AGPAT3: variants seen among roughly 807,000 people sequenced by gnomAD.
AGPAT3 encodes the protein 1-acylglycerol-3-phosphate O-acyltransferase 3.
AGPAT3 carries 5 observed loss-of-function variants against 47.3 expected under a neutral mutation model. The observed-to-expected ratio is 0.11, with a 90% CI of 0.06 to 0.22. The LOEUF is 0.22. AGPAT3 is among the 10% of genes least tolerant of loss of function. The probability of loss-of-function intolerance (pLI) is 1.00; values close to 1 mark genes in which losing one functional copy is unlikely to be tolerated. For synonymous variants in AGPAT3, 212 were observed against 208.3 expected (o/e 1.02, Z -0.15); for missense variants, 315 against 493.0 (o/e 0.64, Z 3.42).
intron 2 of AGPAT3, among the ~76,000 whole-genome samples, chr21:43,948,529 A>G (rs2088020992): frequency 6.6e-6 from 1 of 152,152 alleles, no homozygotes; most frequent in African/African-American, 2.4e-5. Flanking sequence ...GAGCGCTGCC[A>G]TAATAGCAGG....
chr21:43,958,880 G>A (rs1430396888), intron 2 of AGPAT3, among the ~76,000 whole-genome samples: 1 of 145,354 alleles, frequency 6.9e-6, no homozygotes, highest in Non-Finnish European at 1.5e-5. Flanking sequence ...GGTGTGTGGT[G>A]TGTATGGTGT....
Position 43,981,476 on chromosome 21 carries a change from G to C in AGPAT3, c.1042+289G>C, listed in dbSNP as rs1285625179. On this transcript the variant is annotated intron_variant, in intron 9 of 9. Coordinates refer to ENST00000291572, the MANE Select transcript of AGPAT3 (RefSeq NM_020132.5). The surrounding 1 kb of genome is among the most constrained non-coding windows in gnomAD (Gnocchi z 5.3). Reference sequence around the variant, plus strand: ...ATGCCGACGAGAGGGTCCCCGAGAGGGTCCCCAGCCCCCCTGTCTGCTTTT... The same window carrying C: ...ATGCCGACGAGAGGGTCCCCGAGAGCGTCCCCAGCCCCCCTGTCTGCTTTT... The C allele has an allele frequency of 2.0e-6, 1 of 490,944 alleles. No homozygotes were observed. Among genetic ancestry groups the C allele is most frequent in the Non-Finnish European group, 3.7e-6 (1 of 269,370 alleles). 30.4% of individuals were successfully genotyped at this position (490,944 alleles called of 1,614,324 possible). A position where few individuals can be genotyped will look rare whatever the true frequency, so the allele number is the denominator to read the frequency against.
In AGPAT3 at chr21:43,976,526, T is replaced by C. The variant is rs1035201005; in HGVS notation, c.768-1520T>C. On this transcript the variant is annotated intron_variant, in intron 7 of 9. Coordinates refer to ENST00000291572, the MANE Select transcript of AGPAT3 (RefSeq NM_020132.5). ...AAAATGAATTTAATTTTAATCAGTT[T>C]GACTGTAAGGCAAGATTTTATGAAT... Among the ~76,000 whole-genome samples the C allele has an allele frequency of 2.2e-4, 33 of 152,228 alleles. 1 individual carries two copies. The highest frequency in any genetic ancestry group is 8.0e-4 in the African/African-American group (33 of 41,456).
chr21:43,866,153 T>A lies in AGPAT3; in HGVS notation c.-112+808T>A, dbSNP rs2085501514. Among the ~76,000 whole-genome samples the A allele has an allele frequency of 2.0e-5, 3 of 149,202 alleles. No homozygotes were observed. In the South Asian group the frequency reaches 6.4e-4, roughly 32 times the overall value. ...TTTTTTTTTTAACTTTGAGAGAAGT[T>A]TAGTGACATGGGGAAAATGCTTTTA... On this transcript the variant is annotated intron_variant, in intron 1 of 9. Transcript: ENST00000291572.
In AGPAT3 at chr21:43,870,310, G is replaced by A. The variant is rs77574091; in HGVS notation, c.-112+4965G>A. Among the ~76,000 whole-genome samples, 601 of 152,226 alleles carry A rather than the reference G, an allele frequency of 3.9e-3. 21 individuals carry two copies. In the East Asian group the frequency reaches 0.091, roughly 23 times the overall value. On this transcript the variant is annotated intron_variant, in intron 1 of 9. Coordinates refer to ENST00000291572, the MANE Select transcript of AGPAT3 (RefSeq NM_020132.5). ...CTATGACTTAAGTTCTAGAACATTG[G>A]TTAGAAAATATGTTTGTCGTGCAGT...
At chr21:43,921,459 A>G (rs920079425) in intron 2 of AGPAT3, among the ~76,000 whole-genome samples, 46 of 152,298 alleles carry the variant, frequency 3.0e-4, no homozygotes, top group African/African-American at 1.1e-3. Flanking sequence ...TAGGATCAGC[A>G]TCCTGACCCG....
At chr21:43,896,428 C>T (rs1481726730) in intron 1 of AGPAT3, among the ~76,000 whole-genome samples, 1 of 152,222 alleles carries the variant, frequency 6.6e-6, no homozygotes, top group Non-Finnish European at 1.5e-5. Context: ...GTAGGGGCAG[C>T]ATTGTGTGTA....
At chr21:43,874,015 T>C (rs1257830191) in intron 1 of AGPAT3, among the ~76,000 whole-genome samples, 8 of 152,226 alleles carry the variant, frequency 5.3e-5, no homozygotes, top group Non-Finnish European at 1.5e-5. Context: ...GTTTCTTAAT[T>C]TTCAACTTTC....
chr21:43,865,811 G>GT (rs1569035666), intron 1 of AGPAT3, among the ~76,000 whole-genome samples: 2 of 152,034 alleles, frequency 1.3e-5, no homozygotes, highest in Non-Finnish European at 2.9e-5. Context: ...CCGCCGCCTG[G>GT]TTTCGGGGCG....
At chr21:43,915,537 G>A (rs2086709351) in intron 2 of AGPAT3, among the ~76,000 whole-genome samples, 1 of 145,278 alleles carries the variant, frequency 6.9e-6, no homozygotes. Context: ...TCAGCCTCCT[G>A]AGTAGCTGGG....
intron 2 of AGPAT3, among the ~76,000 whole-genome samples, chr21:43,924,745 G>A (rs1189616617): frequency 6.6e-6 from 1 of 152,172 alleles, no homozygotes; most frequent in Non-Finnish European, 1.5e-5. Flanking sequence ...GGCACGCCTG[G>A]GCTTTTCTTT....
chr21:43,907,962 G>A (rs1266156380), intron 2 of AGPAT3, among the ~76,000 whole-genome samples: 3 of 152,138 alleles, frequency 2.0e-5, no homozygotes, highest in East Asian at 1.9e-4. Context: ...GAGACCCCAC[G>A]GGACCGAGTA....
In AGPAT3 at chr21:43,969,696, T is replaced by G. The variant is rs182703330; in HGVS notation, c.510+417T>G. The stretch of plus-strand genomic sequence containing the variant: ...CTTGTTCGTTTTGTTGTGTGTGTTT[T>G]TGTGTGTGTGTGTGTGTTTGAAACG... On this transcript the variant is annotated intron_variant, in intron 5 of 9. Coordinates refer to ENST00000291572, the MANE Select transcript of AGPAT3 (RefSeq NM_020132.5). 8.6e-3 allele frequency among the ~76,000 whole-genome samples: 1,310 copies of G among 151,660 alleles called. 17 individuals are homozygous for G. Among genetic ancestry groups the G allele is most frequent in the Middle Eastern group, 0.048 (14 of 292 alleles).
At chr21:43,904,055 CGTGTGTGAGAGTGTGTGTGT>C (rs1199760334) in intron 2 of AGPAT3, 36 bp downstream of exon 2, 7 of 126,802 alleles carry the variant, frequency 5.5e-5, no homozygotes, top group Non-Finnish European at 9.9e-5. Context: ...CGCAGGGCGC[CGTGTGTGAGAGTGTGTGTGT>C]GTGTGTGTGT....
At position 43,933,992 on chromosome 21, in the gene AGPAT3, G is replaced by C. The variant is rs2087346519; in HGVS notation, c.-48-25642G>C. On this transcript the variant is annotated intron_variant, in intron 2 of 9. Transcript: ENST00000291572. This position sits in a 1 kb window ranked among gnomAD's most constrained non-coding sequence, Gnocchi z 6.0. Reference sequence around the variant, plus strand: ...TCACTGTGTGGACTGGCCACACCTGGTGTGCCGCTTCCTTTCTCAGTCATG... The same window carrying C: ...TCACTGTGTGGACTGGCCACACCTGCTGTGCCGCTTCCTTTCTCAGTCATG... Among the ~76,000 whole-genome samples, 1 of 152,232 alleles carries C rather than the reference G, an allele frequency of 6.6e-6. No homozygotes were observed. Among genetic ancestry groups the C allele is most frequent in the African/African-American group, 2.4e-5 (1 of 41,458 alleles).
intron 2 of AGPAT3, among the ~76,000 whole-genome samples, chr21:43,935,362 G>A (rs970699814): frequency 6.6e-6 from 1 of 152,236 alleles, no homozygotes; most frequent in African/African-American, 2.4e-5. Context: ...CTCCAGCCCC[G>A]GGGAGGCTGA....
Position 43,978,046 on chromosome 21 carries a change from G to T in AGPAT3, c.768G>T (p.Arg256Ser). Residue 256 changes from arginine (R) to serine (S), a missense_variant and splice_region_variant, in exon 8 of 10, where the codon AGG becomes AGT. Physicochemically the swap from Arg to Ser is moderately radical, Grantham distance 110. Transcript: ENST00000291572. ...GKKYEADMCVRRFPLEDIPLD... is the reference protein window; with the variant it reads ...GKKYEADMCVSRFPLEDIPLD... The stretch of plus-strand genomic sequence containing the variant: ...ACCTTGAATCTTCTTCATAAAACAG[G>T]AGATTTCCTCTGGAAGACATCCCGC... 7.4e-6 allele frequency: 12 copies of T among 1,612,176 alleles called. No individual in the cohort carries two copies. Among genetic ancestry groups the T allele is most frequent in the Non-Finnish European group, 1.0e-5 (12 of 1,178,994 alleles).
At chr21:43,948,016 A>G (rs2087986961) in intron 2 of AGPAT3, 1 of 152,194 alleles carries the variant, frequency 6.6e-6, no homozygotes. Context: ...GAAAACATTG[A>G]TCAAGCATCT....
chr21:43,932,821 TGTATGTTTA>T lies in AGPAT3; in HGVS notation c.-48-26809_-48-26801del, dbSNP rs2087299572. ...GCCCGCCACCATGCCGGGCTAATTT[TGTATGTTTA>T]GTAGAGATGGGGTTTCACCATGTTG... On this transcript the variant is annotated intron_variant, in intron 2 of 9. Coordinates refer to ENST00000291572, the MANE Select transcript of AGPAT3 (RefSeq NM_020132.5). The surrounding 1 kb of genome is among the most constrained non-coding windows in gnomAD (Gnocchi z 5.2). 6.6e-6 allele frequency among the ~76,000 whole-genome samples: 1 copy of T among 152,180 alleles called. No homozygotes were observed. Among genetic ancestry groups the T allele is most frequent in the South Asian group, 2.1e-4 (1 of 4,824 alleles).
Sources: gnomAD v4.1 joint callset for allele counts (sites outside exome capture counted in the v4.1 genomes callset) on GRCh38, gnomAD v4.1.1 for gene constraint, Gnocchi (gnomAD v3.1) non-coding constraint, MANE v1.5 for transcripts, NCBI Gene and HGNC (gene_info 2026-07-23, HGNC 2026-07-21) for gene names.